The following RBFOX1 variants were observed in gnomAD, a reference collection of about 807,000 sequenced individuals.
RBFOX1 encodes the protein RNA binding protein fox-1 homolog 1.
RBFOX1 carries 8 observed loss-of-function variants against 57.7 expected under a neutral mutation model. The observed-to-expected ratio is 0.14, with a 90% CI of 0.08 to 0.25. The LOEUF (loss-of-function observed/expected upper bound fraction) is 0.25, where lower values mean the gene tolerates loss of function less well. Among genes scored for constraint, RBFOX1 ranks in the 10% least tolerant of loss-of-function variants. RBFOX1 has a pLI of 1.00. For missense variants in RBFOX1, 611 were observed against 548.5 expected (o/e 1.11, Z -1.14); for synonymous variants, 326 against 222.4 (o/e 1.47, Z -4.15).
chr16:6,440,975 G>A (rs1458712740), intron 2 of RBFOX1, among the ~76,000 whole-genome samples: 2 of 152,128 alleles, frequency 1.3e-5, no homozygotes, highest in Admixed American at 1.3e-4. Flanking sequence ...CGTCTGTGGA[G>A]TGTATGGCTG....
intron 1 of RBFOX1, among the ~76,000 whole-genome samples, chr16:6,162,885 C>T (rs1447028326): frequency 6.6e-6 from 1 of 152,140 alleles, no homozygotes; most frequent in African/African-American, 2.4e-5. Flanking sequence ...AGGCGTGCAC[C>T]ACCATGCCAG....
chr16:5,480,254 A>G (rs560208079), intron 2 of RBFOX1, among the ~76,000 whole-genome samples: 116 of 152,274 alleles, frequency 7.6e-4, no homozygotes, highest in Middle Eastern at 6.8e-3. Flanking sequence ...CCAGGGGTCA[A>G]AGCCATTGGG....
intron 2 of RBFOX1, among the ~76,000 whole-genome samples, chr16:6,434,537 G>A (rs764053139): frequency 3.9e-5 from 6 of 152,118 alleles, no homozygotes; most frequent in African/African-American, 7.2e-5. Context: ...TGTAATGCAC[G>A]TCGCATAGTG....
chr16:6,843,790 C>T (rs1452170253), intron 3 of RBFOX1, among the ~76,000 whole-genome samples: 1 of 152,086 alleles, frequency 6.6e-6, no homozygotes, highest in African/African-American at 2.4e-5. Context: ...TATTCTGTTC[C>T]ATGCCAAAAG....
intron 3 of RBFOX1, among the ~76,000 whole-genome samples, chr16:6,968,751 C>T (rs774838653): frequency 6.6e-6 from 1 of 152,116 alleles, no homozygotes; most frequent in African/African-American, 2.4e-5. Flanking sequence ...TCTCCCTCCT[C>T]TTTGCCTAGT....
At chr16:6,747,918 A>G (rs2074105795) in intron 3 of RBFOX1, among the ~76,000 whole-genome samples, 1 of 152,174 alleles carries the variant, frequency 6.6e-6, no homozygotes, top group Non-Finnish European at 1.5e-5. Flanking sequence ...AAAGCACAAC[A>G]CGCTATCAAC....
intron 3 of RBFOX1, among the ~76,000 whole-genome samples, chr16:6,847,429 G>C (rs2093815558): frequency 1.3e-5 from 2 of 151,960 alleles, no homozygotes; most frequent in African/African-American, 4.8e-5. Flanking sequence ...AGACTGCTTG[G>C]TGCTCTGTCA....
chr16:6,551,751 G>T (rs1451535247), intron 2 of RBFOX1, among the ~76,000 whole-genome samples: 1 of 152,182 alleles, frequency 6.6e-6, no homozygotes, highest in African/African-American at 2.4e-5. Context: ...TAAGGCAGCA[G>T]TTGTGGACAG....
At chr16:5,952,139 G>T (rs1489068118) in intron 4 of RBFOX1, among the ~76,000 whole-genome samples, 3 of 149,314 alleles carry the variant, frequency 2.0e-5, no homozygotes, top group African/African-American at 7.4e-5. Context: ...ATATATATAG[G>T]TTTTGTTTTT....
intron 5 of RBFOX1, among the ~76,000 whole-genome samples, chr16:7,557,593 C>G (rs2088983522): frequency 8.6e-6 from 1 of 116,434 alleles, no homozygotes; most frequent in African/African-American, 3.5e-5. Context: ...GCACTCCAGC[C>G]TGGGAGACAA....
At chr16:7,488,934 C>G in intron 4 of RBFOX1, among the ~76,000 whole-genome samples, 1 of 152,306 alleles carries the variant, frequency 6.6e-6, no homozygotes, top group East Asian at 1.9e-4. Flanking sequence ...AGTCTGTATA[C>G]TTCACATGTC....
chr16:7,041,820 G>A (rs79149720), intron 3 of RBFOX1, among the ~76,000 whole-genome samples: 1 of 151,972 alleles, frequency 6.6e-6, no homozygotes, highest in Non-Finnish European at 1.5e-5. Flanking sequence ...CCAATTGCTG[G>A]TATTTGCTGA....
intron 3 of RBFOX1, chr16:6,704,957 A>T (rs567694401): frequency 2.6e-5 from 4 of 152,070 alleles, no homozygotes; most frequent in Middle Eastern, 3.2e-3. Flanking sequence ...GTCGTGCCAG[A>T]TTCTTTATTT....
At chr16:5,246,843 G>A (rs1013384000) in intron 1 of RBFOX1, among the ~76,000 whole-genome samples, 4 of 151,904 alleles carry the variant, frequency 2.6e-5, no homozygotes, top group African/African-American at 9.7e-5. Context: ...ACTAAGTTTT[G>A]TATTTTTTGT....
intron 2 of RBFOX1, among the ~76,000 whole-genome samples, chr16:6,374,473 A>G (rs1242847457): frequency 6.6e-6 from 1 of 152,078 alleles, no homozygotes; most frequent in African/African-American, 2.4e-5. Context: ...GAACTCTACT[A>G]TTTTTGGCCA....
At chr16:5,755,392 C>G (rs1248527189) in intron 3 of RBFOX1, among the ~76,000 whole-genome samples, 3 of 152,126 alleles carry the variant, frequency 2.0e-5, no homozygotes, top group Admixed American at 2.0e-4. Flanking sequence ...TTGGGTGAGG[C>G]CAAGACTGGG....
Position 5,908,127 on chromosome 16 carries a change from TATATATACAC to T in RBFOX1, c.351+40820_351+40829del, listed in dbSNP as rs1286612113. 3.7e-3 allele frequency among the ~76,000 whole-genome samples: 527 copies of T among 143,710 alleles called. 8 individuals are homozygous for T. In the East Asian group the frequency reaches 0.037, roughly 10 times the overall value. The allele number at this position is 143,710 out of a possible 152,430, so 94.3% of individuals were successfully genotyped here. A position where few individuals can be genotyped will look rare whatever the true frequency, so the allele number is the denominator to read the frequency against. On this transcript the variant is annotated intron_variant, in intron 4 of 19. Transcript: ENST00000641259. Reference sequence around the variant, plus strand: ...ATATATATACACATATATACACATATATATATACACATATATACACATATATACACATATA... The same window carrying T: ...ATATATATACACATATATACACATATATATATACACATATATACACATATA...
chr16:7,498,411 T>G (rs1303132419), intron 4 of RBFOX1, among the ~76,000 whole-genome samples: 1 of 151,884 alleles, frequency 6.6e-6, no homozygotes, highest in African/African-American at 2.4e-5. Context: ...AACAGAAATA[T>G]AACCATGGTC....
At chr16:6,949,328 C>G (rs1445446307) in intron 3 of RBFOX1, among the ~76,000 whole-genome samples, 1 of 152,196 alleles carries the variant, frequency 6.6e-6, no homozygotes, top group Non-Finnish European at 1.5e-5. Flanking sequence ...TCAATCTTCG[C>G]TCACCTTTTG....
Sources: gnomAD v4.1 joint callset for allele counts (sites outside exome capture counted in the v4.1 genomes callset) on GRCh38, gnomAD v4.1.1 for gene constraint, MANE v1.5 for transcripts, NCBI Gene and HGNC (gene_info 2026-07-23, HGNC 2026-07-21) for gene names.